Variants in MDGA2 observed in about 807,000 individuals in gnomAD.
The protein encoded by MDGA2 is MAM domain containing glycosylphosphatidylinositol anchor 2.
A neutral mutation model predicts 117.8 loss-of-function variants in MDGA2; 40 were observed. The observed-to-expected ratio is 0.34, with a 90% CI of 0.26 to 0.44. The LOEUF (loss-of-function observed/expected upper bound fraction) is 0.44, where lower values mean the gene tolerates loss of function less well. Among genes scored for constraint, MDGA2 ranks in the 20% least tolerant of loss-of-function variants. The probability of loss-of-function intolerance (pLI) is 1.00; values close to 1 mark genes in which losing one functional copy is unlikely to be tolerated. For missense variants in MDGA2, 1,123 were observed against 1,250.6 expected (o/e 0.90, Z 1.54); for synonymous variants, 452 against 439.0 (o/e 1.03, Z -0.37).
intron 4 of MDGA2, among the ~76,000 whole-genome samples, chr14:47,139,109 A>T (rs1882594379): frequency 6.6e-6 from 1 of 152,128 alleles, no homozygotes; most frequent in South Asian, 2.1e-4. Flanking sequence ...AGACATTATT[A>T]TTAAATAACA....
chr14:47,538,948 C>T (rs1043400862), intron 1 of MDGA2, among the ~76,000 whole-genome samples: 1 of 152,154 alleles, frequency 6.6e-6, no homozygotes, highest in African/African-American at 2.4e-5. Context: ...AAGTGGGAGA[C>T]CTCCCCAAGT....
intron 2 of MDGA2, among the ~76,000 whole-genome samples, chr14:47,281,769 A>G (rs1337130421): frequency 2.6e-5 from 4 of 152,130 alleles, no homozygotes; most frequent in African/African-American, 9.7e-5. Flanking sequence ...TAAAGAAGAC[A>G]CTTTCGGCTA....
intron 14 of MDGA2, among the ~76,000 whole-genome samples, chr14:46,864,037 G>C (rs1411443080): frequency 6.6e-6 from 1 of 151,566 alleles, no homozygotes; most frequent in Non-Finnish European, 1.5e-5. Flanking sequence ...CTAGCATTAG[G>C]TATATCTCCC....
In MDGA2 at chr14:47,540,563, T is replaced by TATATACAC. The variant is rs370481455; in HGVS notation, c.280+133953_280+133954insGTGTATAT. On this transcript the variant is annotated intron_variant, in intron 1 of 16. Coordinates refer to ENST00000399232, the MANE Select transcript of MDGA2 (RefSeq NM_001113498.3). ...GTGTATATATATATATGTATATATA[T>TATATACAC]ACACACACACATAGAGAGAGAGACA... 9.9e-3 allele frequency among the ~76,000 whole-genome samples: 1,113 copies of TATATACAC among 112,428 alleles called. 81 individuals carry two copies. Among genetic ancestry groups the TATATACAC allele is most frequent in the Non-Finnish European group, 0.016 (843 of 53,172 alleles). 73.8% of individuals were successfully genotyped at this position (112,428 alleles called of 152,430 possible).
chr14:46,891,551 C>T lies in MDGA2; in HGVS notation c.2239-9330G>A, dbSNP rs531782075. 2.9e-3 allele frequency among the ~76,000 whole-genome samples: 441 copies of T among 150,808 alleles called. 1 individual carries two copies. The highest frequency in any genetic ancestry group is 5.0e-3 in the African/African-American group (205 of 41,308). Reference sequence around the variant, plus strand: ...TTCCTGTTTTATATAGTTAGCAATACGTTTAATAAGGAATTATAATCGTGA... The same window carrying T: ...TTCCTGTTTTATATAGTTAGCAATATGTTTAATAAGGAATTATAATCGTGA... On this transcript the variant is annotated intron_variant, in intron 10 of 16. Transcript: ENST00000399232.
chr14:47,366,088 C>A (rs1891224958), intron 1 of MDGA2, among the ~76,000 whole-genome samples: 1 of 152,120 alleles, frequency 6.6e-6, no homozygotes, highest in Admixed American at 6.5e-5. Flanking sequence ...GGTCATACTT[C>A]CAGTAACTGC....
chr14:47,398,928 A>G (rs1269122348), intron 1 of MDGA2, among the ~76,000 whole-genome samples: 2 of 152,164 alleles, frequency 1.3e-5, no homozygotes, highest in African/African-American at 2.4e-5. Context: ...AATAATTGAT[A>G]TATACACAAC....
At chr14:47,283,738 G>A (rs552652042) in intron 2 of MDGA2, among the ~76,000 whole-genome samples, 12 of 152,232 alleles carry the variant, frequency 7.9e-5, no homozygotes, top group African/African-American at 2.9e-4. Context: ...ATCCTGTAGT[G>A]CTATTTTTAA....
intron 2 of MDGA2, among the ~76,000 whole-genome samples, chr14:47,239,803 C>T (rs1886980189): frequency 1.3e-5 from 2 of 151,942 alleles, no homozygotes; most frequent in South Asian, 2.1e-4. Flanking sequence ...CCTCCACATA[C>T]ACAAATGTTA....
intron 1 of MDGA2, among the ~76,000 whole-genome samples, chr14:47,475,829 G>C (rs1353642040): frequency 6.6e-6 from 1 of 152,130 alleles, no homozygotes; most frequent in African/African-American, 2.4e-5. Flanking sequence ...GCCTGTCAGG[G>C]ATCGGGGAGC....
chr14:47,098,440 G>A (rs1880109955), intron 5 of MDGA2, among the ~76,000 whole-genome samples: 1 of 151,444 alleles, frequency 6.6e-6, no homozygotes, highest in African/African-American at 2.4e-5. Context: ...GCCCTTCTGA[G>A]GAGTTAATAT....
At position 47,374,166 on chromosome 14, in the gene MDGA2, T is replaced by C. The variant is rs186071800; in HGVS notation, c.281-72616A>G. Among the ~76,000 whole-genome samples the C allele has an allele frequency of 3.7e-4, 56 of 152,262 alleles. No individual in the cohort carries two copies. The South Asian group carries it at 6.4e-3, about 17-fold the overall frequency. On this transcript the variant is annotated intron_variant, in intron 1 of 16. Transcript: ENST00000399232. ...AACATCATCTTTAATGTTATGACTA[T>C]GTAGTTTAAATATAATACACCAACA...
chr14:47,559,221 T>A (rs1895747113), intron 1 of MDGA2, among the ~76,000 whole-genome samples: 1 of 152,188 alleles, frequency 6.6e-6, no homozygotes, highest in African/African-American at 2.4e-5. Flanking sequence ...AGACAGTTTT[T>A]CAATCTTCAC....
chr14:47,426,661 T>G (rs1892696434), intron 1 of MDGA2, among the ~76,000 whole-genome samples: 1 of 148,146 alleles, frequency 6.8e-6, no homozygotes, highest in South Asian at 2.1e-4. Flanking sequence ...GATATGTAAA[T>G]ATATCACACA....
At chr14:47,431,183 C>A (rs927532117) in intron 1 of MDGA2, among the ~76,000 whole-genome samples, 1 of 151,646 alleles carries the variant, frequency 6.6e-6, no homozygotes, top group African/African-American at 2.4e-5. Flanking sequence ...CTGTATGAAT[C>A]CTTAGAGAGA....
At chr14:47,133,091 G>A in intron 4 of MDGA2, among the ~76,000 whole-genome samples, 1 of 148,696 alleles carries the variant, frequency 6.7e-6, no homozygotes, top group Non-Finnish European at 1.5e-5. Flanking sequence ...CACCCCTTTA[G>A]CATTTTCCTC....
chr14:47,217,105 T>C (rs1251390414), intron 3 of MDGA2, among the ~76,000 whole-genome samples: 1 of 151,992 alleles, frequency 6.6e-6, no homozygotes, highest in African/African-American at 2.4e-5. Flanking sequence ...AAGTAGACCA[T>C]GTATAATTTC....
chr14:47,647,278 CAT>C (rs1433218745), intron 1 of MDGA2, among the ~76,000 whole-genome samples: 1 of 152,084 alleles, frequency 6.6e-6, no homozygotes, highest in African/African-American at 2.4e-5. Flanking sequence ...TTAATTGCAA[CAT>C]GTTATATTAG....
chr14:46,882,429 G>A (rs545074661), intron 10 of MDGA2, among the ~76,000 whole-genome samples: 2 of 151,132 alleles, frequency 1.3e-5, no homozygotes, highest in East Asian at 1.9e-4. Flanking sequence ...ATGATCAGAG[G>A]TATTTAATAG....
Sources: gnomAD v4.1 joint callset for allele counts (sites outside exome capture counted in the v4.1 genomes callset) on GRCh38, gnomAD v4.1.1 for gene constraint, MANE v1.5 for transcripts, NCBI Gene and HGNC (gene_info 2026-07-23, HGNC 2026-07-21) for gene names.